Variants in GFM1 observed in about 807,000 individuals in gnomAD.
GFM1 encodes G elongation factor mitochondrial 1, also known as elongation factor G, mitochondrial.
A neutral mutation model predicts 96.2 loss-of-function variants in GFM1; 62 were observed. The observed-to-expected ratio is 0.64, with a 90% CI of 0.53 to 0.80. The LOEUF (loss-of-function observed/expected upper bound fraction) is 0.80, where lower values mean the gene tolerates loss of function less well. GFM1 is among the 30% of genes least tolerant of loss of function. The pLI is 0.00. For synonymous variants in GFM1, 282 were observed against 312.9 expected (o/e 0.90, Z 1.04); for missense variants, 852 against 916.6 (o/e 0.93, Z 0.91).
Position 158,644,569 on chromosome 3 carries a change from CGGTGCGTTACCGGCAGCTG to C in GFM1, c.-65_-47del. ...TGCCGGCGTGACTTTGACCGCTTCC[CGGTGCGTTACCGGCAGCTG>C]AACCCACCCGGCGCCACGGGACTTT... On this transcript the variant is annotated 5_prime_UTR_variant, in exon 1 of 18. Coordinates refer to ENST00000486715, the MANE Select transcript of GFM1 (RefSeq NM_024996.7). 1 of 1,346,216 alleles carries C rather than the reference CGGTGCGTTACCGGCAGCTG, an allele frequency of 7.4e-7. No individual in the cohort carries two copies. Among genetic ancestry groups the C allele is most frequent in the Non-Finnish European group, 1.0e-6 (1 of 963,932 alleles). 83.4% of individuals were successfully genotyped at this position (1,346,216 alleles called of 1,614,324 possible).
chr3:158,691,227 C>T, intron 17 of GFM1, 35 bp downstream of exon 17: 3 of 1,602,494 alleles, frequency 1.9e-6, no homozygotes, highest in Non-Finnish European at 2.6e-6. Flanking sequence ...CAAAAGACCA[C>T]CCTACAGAAT....
At chr3:158,660,185 C>A (rs1723089224) in intron 9 of GFM1, 1 of 151,500 alleles carries the variant, frequency 6.6e-6, no homozygotes, top group South Asian at 2.1e-4. Flanking sequence ...GTATGTATGA[C>A]AGAGTAGATC....
At chr3:158,663,397 T>C (rs563837497) in intron 11 of GFM1, among the ~76,000 whole-genome samples, 2 of 152,318 alleles carry the variant, frequency 1.3e-5, no homozygotes, top group African/African-American at 4.8e-5. Flanking sequence ...GAGTGAACTT[T>C]TTATGATTTG....
rs75640283 is a variant in GFM1 at position 158,664,244 on chromosome 3, G to A, written c.1381-1093G>A. ...GCTGACTTAAGAAGTTACCACAAAC[G>A]TAGTGGCTTAAAACAACACAAATAT... On this transcript the variant is annotated intron_variant, in intron 11 of 17. Coordinates refer to ENST00000486715, the MANE Select transcript of GFM1 (RefSeq NM_024996.7). Among the ~76,000 whole-genome samples the A allele has an allele frequency of 3.2e-4, 49 of 152,326 alleles. No individual in the cohort carries two copies. The East Asian group carries it at 4.8e-3, about 15-fold the overall frequency.
At chr3:158,682,967 G>A (rs1182023175) in intron 14 of GFM1, among the ~76,000 whole-genome samples, 1 of 151,738 alleles carries the variant, frequency 6.6e-6, no homozygotes, top group East Asian at 1.9e-4. Context: ...CCCAGAAGAT[G>A]GAGACTGTGG....
At chr3:158,667,521 C>CA (rs1474176769) in intron 13 of GFM1, among the ~76,000 whole-genome samples, 1 of 152,214 alleles carries the variant, frequency 6.6e-6, no homozygotes, top group Non-Finnish European at 1.5e-5. Context: ...CACAGTGGCT[C>CA]ACACCTATAA....
chr3:158,674,788 T>A (rs895922533), intron 13 of GFM1, among the ~76,000 whole-genome samples: 4 of 152,196 alleles, frequency 2.6e-5, no homozygotes, highest in African/African-American at 9.7e-5. Context: ...TAGCTCACCT[T>A]TTCCTGTTTC....
At chr3:158,676,566 A>G (rs968414665) in intron 13 of GFM1, among the ~76,000 whole-genome samples, 36 of 152,128 alleles carry the variant, frequency 2.4e-4, no homozygotes, top group Admixed American at 2.4e-3. Context: ...AACCTTAATT[A>G]TATTTTCCAT....
At chr3:158,680,426 G>A (rs1340531101) in intron 13 of GFM1, among the ~76,000 whole-genome samples, 1 of 152,170 alleles carries the variant, frequency 6.6e-6, no homozygotes, top group Non-Finnish European at 1.5e-5. Flanking sequence ...CTGTCAAGCA[G>A]TCTTAGTTCT....
chr3:158,666,277 A>C (rs1723667692), intron 12 of GFM1, 27 bp from the exon 13 acceptor site: 1 of 1,544,044 alleles, frequency 6.5e-7, no homozygotes. Flanking sequence ...TTTTAAATTT[A>C]AATAATATTT....
intron 13 of GFM1, among the ~76,000 whole-genome samples, chr3:158,676,431 C>G (rs546034622): frequency 6.6e-6 from 1 of 151,966 alleles, no homozygotes; most frequent in Non-Finnish European, 1.5e-5. Context: ...TATGTACACA[C>G]AAGATATGAA....
At chr3:158,666,813 T>C (rs1723738868) in intron 13 of GFM1, 2 of 1,503,690 alleles carry the variant, frequency 1.3e-6, no homozygotes, top group Admixed American at 3.5e-5. Context: ...GTTGGGTTTA[T>C]GTTTTGTTAG....
intron 4 of GFM1, among the ~76,000 whole-genome samples, chr3:158,648,678 C>CAAA (rs9331287): frequency 2.2e-4 from 23 of 102,770 alleles, no homozygotes; most frequent in Non-Finnish European, 3.2e-4. Context: ...ACTCTTGTCT[C>CAAA]AAAAAAAAAA....
chr3:158,672,872 G>T (rs1158926537), intron 13 of GFM1, among the ~76,000 whole-genome samples: 2 of 152,164 alleles, frequency 1.3e-5, no homozygotes, highest in African/African-American at 4.8e-5. Flanking sequence ...GAAGTGCAGG[G>T]TGGGGCTTTC....
chr3:158,658,836 T>C (rs1040016886), intron 8 of GFM1, 86 bp from the exon 9 acceptor site: 2 of 1,418,416 alleles, frequency 1.4e-6, no homozygotes, highest in Admixed American at 3.4e-5. Flanking sequence ...AGAGAATACT[T>C]GGAGGGAGTT....
chr3:158,676,420 ATATG>A (rs1292454753), intron 13 of GFM1, among the ~76,000 whole-genome samples: 1 of 152,194 alleles, frequency 6.6e-6, no homozygotes, highest in Non-Finnish European at 1.5e-5. Flanking sequence ...AAATAAATAT[ATATG>A]TACACACAAG....
At chr3:158,687,083 A>G (rs956191451) in intron 15 of GFM1, among the ~76,000 whole-genome samples, 1 of 151,952 alleles carries the variant, frequency 6.6e-6, no homozygotes. Flanking sequence ...ACTTACTGCA[A>G]CCTCGAATTC....
intron 15 of GFM1, among the ~76,000 whole-genome samples, chr3:158,688,112 A>T (rs1157222273): frequency 1.3e-5 from 2 of 152,174 alleles, no homozygotes. Flanking sequence ...ATTCTCCCAT[A>T]TTCTTGATTT....
chr3:158,657,900 C>T (rs1235625822), intron 8 of GFM1, among the ~76,000 whole-genome samples: 2 of 152,044 alleles, frequency 1.3e-5, no homozygotes, highest in Non-Finnish European at 2.9e-5. Context: ...TCTGAATTTT[C>T]TGAGTTTCAA....
Sources: allele counts gnomAD v4.1 joint callset (sites outside exome capture counted in the v4.1 genomes callset), GRCh38; gene constraint gnomAD v4.1.1; transcripts MANE v1.5; gene names NCBI Gene and HGNC (gene_info 2026-07-23, HGNC 2026-07-21).